The following TDRD9 variants were observed in gnomAD, a reference collection of about 807,000 sequenced individuals.
TDRD9 encodes tudor domain containing 9, also known as ATP-dependent RNA helicase TDRD9.
Under a neutral mutation model 172.6 loss-of-function variants are expected in TDRD9, and 124 were observed. The ratio of observed to expected loss-of-function variants is 0.72; its 90% confidence interval spans 0.62 to 0.83. TDRD9 has a LOEUF of 0.83. Ranked by LOEUF, TDRD9 falls within the 40% of genes least tolerant of loss-of-function variation. The probability of loss-of-function intolerance (pLI) is 0.00; values close to 1 mark genes in which losing one functional copy is unlikely to be tolerated. For missense variants in TDRD9, 1,479 were observed against 1,714.1 expected (o/e 0.86, Z 2.42); for synonymous variants, 619 against 617.1 (o/e 1.00, Z -0.05).
At chr14:103,962,900 G>A (rs987499807) in intron 2 of TDRD9, among the ~76,000 whole-genome samples, 179 bp from the exon 3 acceptor site, 12 of 151,532 alleles carry the variant, frequency 7.9e-5, no homozygotes, top group Non-Finnish European at 1.5e-4. Flanking sequence ...ACCTATGTTC[G>A]TTCCATGTCT....
At chr14:103,952,986 C>T (rs558560794) in intron 1 of TDRD9, among the ~76,000 whole-genome samples, 5 of 152,014 alleles carry the variant, frequency 3.3e-5, no homozygotes, top group South Asian at 2.1e-4. Context: ...GTGATCCACC[C>T]GCCTCGACCT....
chr14:104,031,992 C>T, intron 29 of TDRD9, 25 bp from the exon 30 acceptor site: 2 of 1,496,842 alleles, frequency 1.3e-6, no homozygotes, highest in Non-Finnish European at 1.8e-6. Flanking sequence ...TTATTGGTAA[C>T]ACTTCCTATA....
At chr14:103,937,370 G>A (rs1446412699) in intron 1 of TDRD9, among the ~76,000 whole-genome samples, 4 of 152,040 alleles carry the variant, frequency 2.6e-5, no homozygotes, top group East Asian at 3.9e-4. Flanking sequence ...GCTTCCCGTC[G>A]CTCCCTTCCC....
rs895537737 is a variant in TDRD9, at chr14:103,969,841, G to A, written c.766-700G>A. 3.9e-4 allele frequency among the ~76,000 whole-genome samples: 60 copies of A among 152,102 alleles called. 2 individuals are homozygous for A. The highest frequency in any genetic ancestry group is 1.3e-3 in the African/African-American group (56 of 41,506). ...GGGTGGGGCGGGGTGGGGGGGCTGT[G>A]GGTCCTGGGGTGGCTCTGACTGTGA... On this transcript the variant is annotated intron_variant, in intron 5 of 35. Transcript: ENST00000409874.
rs1236090124 is a variant in TDRD9 at position 103,980,840 on chromosome 14, C to T, written c.1011+5287C>T. ...CAAGGAGCCCTCTGGTGGCCCTGTC[C>T]GGGCATAACAGAAGGCTCGCACTCT... is the stretch of plus-strand genomic sequence containing the variant. On this transcript the variant is annotated intron_variant, in intron 7 of 35. Transcript: ENST00000409874. The surrounding 1 kb of genome is among the most constrained non-coding windows in gnomAD (Gnocchi z 4.5). Among the ~76,000 whole-genome samples, 1 of 152,158 alleles carries T rather than the reference C, an allele frequency of 6.6e-6. No homozygotes were observed. The highest frequency in any genetic ancestry group is 1.5e-5 in the Non-Finnish European group (1 of 68,028).
At chr14:103,991,382 T>C (rs1474988938) in intron 9 of TDRD9, among the ~76,000 whole-genome samples, 158 bp downstream of exon 9, 1 of 152,174 alleles carries the variant, frequency 6.6e-6, no homozygotes, top group Non-Finnish European at 1.5e-5. Flanking sequence ...TTTGGCTTTT[T>C]ATTGTAACCC....
At chr14:103,951,977 C>A (rs762139597) in intron 1 of TDRD9, among the ~76,000 whole-genome samples, 11 of 150,350 alleles carry the variant, frequency 7.3e-5, no homozygotes, top group Non-Finnish European at 1.5e-4. Flanking sequence ...ACCTTATTAG[C>A]CAGGGTGGTC....
At chr14:104,033,788 A>G (rs2035359098) in intron 30 of TDRD9, among the ~76,000 whole-genome samples, 172 bp from the exon 31 acceptor site, 1 of 152,088 alleles carries the variant, frequency 6.6e-6, no homozygotes, top group African/African-American at 2.4e-5. Flanking sequence ...CTGTGTGAAG[A>G]GGTGGTCCAG....
chr14:104,047,473 T>C, intron 34 of TDRD9, among the ~76,000 whole-genome samples: 1 of 152,192 alleles, frequency 6.6e-6, no homozygotes, highest in East Asian at 1.9e-4. Flanking sequence ...GATATTAATA[T>C]AGCTACCCCA....
At chr14:104,026,238 G>C in intron 27 of TDRD9, 102 bp downstream of exon 27, 1 of 810,278 alleles carries the variant, frequency 1.2e-6, no homozygotes, top group Non-Finnish European at 2.1e-6. Flanking sequence ...TACAGCTAGG[G>C]GAGCCAAGGC....
rs538740857 is a variant in TDRD9, at chr14:104,043,150, A to G, written c.3974+963A>G. Among the ~76,000 whole-genome samples, 18 of 151,896 alleles carry G rather than the reference A, an allele frequency of 1.2e-4. No homozygotes were observed. The South Asian group carries it at 3.8e-3, about 32-fold the overall frequency. ...ATGATCTTCCCACCTCAGCCTCCCT[A>G]GTAGCAGGGGCTACAGGTGTGCACC... is the stretch of plus-strand genomic sequence containing the variant. On this transcript the variant is annotated intron_variant, in intron 34 of 35. Transcript: ENST00000409874.
intron 32 of TDRD9, among the ~76,000 whole-genome samples, chr14:104,036,860 T>C (rs4906407): frequency 0.022 from 3,386 of 152,310 alleles, 145 homozygotes; most frequent in Admixed American, 0.12. Flanking sequence ...TAGTTGTCTT[T>C]GAATCCACAG....
intron 32 of TDRD9, among the ~76,000 whole-genome samples, chr14:104,037,246 G>T (rs924499764): frequency 6.6e-6 from 1 of 152,134 alleles, no homozygotes; most frequent in African/African-American, 2.4e-5. Flanking sequence ...GTCCTCCAAA[G>T]CCCACAGCTC....
chr14:103,988,007 A>G (rs1428948797), intron 8 of TDRD9, among the ~76,000 whole-genome samples: 1 of 152,128 alleles, frequency 6.6e-6, no homozygotes. Context: ...TGCACCTCTT[A>G]TCTCTCGTAA....
At chr14:103,940,177 C>G (rs527291843) in intron 1 of TDRD9, among the ~76,000 whole-genome samples, 10 of 152,230 alleles carry the variant, frequency 6.6e-5, no homozygotes, top group Admixed American at 6.5e-4. Context: ...TTGAGAGTAG[C>G]AGCTACTCAT....
Position 104,027,761 on chromosome 14 carries a change from A to G in TDRD9, c.3282+822A>G, listed in dbSNP as rs574031860. ...GAAAATATACCTTATAGTTAACCAT[A>G]TTTACCCCACAGTGCTGCAGAACGC... On this transcript the variant is annotated intron_variant, in intron 28 of 35. Transcript: ENST00000409874. Among the ~76,000 whole-genome samples, 103 of 152,248 alleles carry G rather than the reference A, an allele frequency of 6.8e-4. 1 individual carries two copies. In the South Asian group the frequency reaches 0.015, roughly 22 times the overall value.
intron 7 of TDRD9, among the ~76,000 whole-genome samples, chr14:103,984,574 A>C (rs531366401): frequency 6.6e-6 from 1 of 152,304 alleles, no homozygotes; most frequent in South Asian, 2.1e-4. Context: ...ACCTCTGCCT[A>C]CTTTTCAGAG....
chr14:104,014,924 C>A, intron 21 of TDRD9, 83 bp downstream of exon 21: 1 of 772,930 alleles, frequency 1.3e-6, no homozygotes. Flanking sequence ...CTTATTCCTG[C>A]TTTCTGATAC....
In TDRD9 at chr14:103,975,472, A is replaced by G. The variant is rs1484639218; in HGVS notation, c.930A>G (p.Ala310=). ...CTGTTCAAAACAAGATGAATCCTGCATATATTTTTGAAGTGGAAGGCAAGC... is the reference window on the plus strand; with the variant it reads ...CTGTTCAAAACAAGATGAATCCTGCGTATATTTTTGAAGTGGAAGGCAAGC... ...AVPVQNKMNP[A]YIFEVEGKPH... Residue 310 remains alanine (A), a synonymous_variant, in exon 7 of 36, where the codon GCA becomes GCG. Transcript: ENST00000409874. 4 of 1,613,804 alleles carry G rather than the reference A, an allele frequency of 2.5e-6. No individual in the cohort carries two copies. The highest frequency in any genetic ancestry group is 1.3e-5 in the African/African-American group (1 of 74,944).
Sources: gnomAD v4.1 joint callset for allele counts (sites outside exome capture counted in the v4.1 genomes callset) on GRCh38, gnomAD v4.1.1 for gene constraint, Gnocchi (gnomAD v3.1) non-coding constraint, MANE v1.5 for transcripts, NCBI Gene and HGNC (gene_info 2026-07-23, HGNC 2026-07-21) for gene names.